The following CELA3B variants were observed in gnomAD, a reference collection of about 807,000 sequenced individuals.
CELA3B encodes chymotrypsin-like elastase family member 3B.
A neutral mutation model predicts 37.2 loss-of-function variants in CELA3B; 34 were observed. That is an observed-to-expected ratio of 0.91 (90% confidence interval 0.70 to 1.22). The LOEUF is 1.22. CELA3B is among the 50% of genes most tolerant of loss of function. The pLI, the probability that CELA3B is intolerant of heterozygous loss-of-function variation, is 0.00. For synonymous variants in CELA3B, 127 were observed against 143.5 expected, an observed-to-expected ratio of 0.89 and a Z score of 0.82; for missense variants, 340 against 363.1, an observed-to-expected ratio of 0.94 and a Z score of 0.52.
rs1027617079 is a variant in CELA3B at position 21,997,898 on chromosome 1, T to C, written c.505-253T>C. ...GATAATGTGATAGTCATGAAGTCTT[T>C]GTGTGAGAGAGAAAAGAAGGAAGTT... On this transcript the variant is annotated intron_variant, in intron 4 of 4. Coordinates refer to the CELA3B transcript ENST00000400277. Among the ~76,000 whole-genome samples, 24 of 151,340 alleles carry C rather than the reference T, an allele frequency of 1.6e-4. 1 individual carries two copies. The highest frequency in any genetic ancestry group is 1.6e-3 in the Admixed American group (24 of 15,170).
Position 21,983,792 on chromosome 1 carries a change from A to G in CELA3B, c.461A>G (p.Glu154Gly), listed in dbSNP as rs1217340709. The G allele has an allele frequency of 2.5e-6, 4 of 1,613,972 alleles. No individual in the cohort carries two copies. In the African/African-American group the frequency reaches 5.3e-5, roughly 22 times the overall value. Residue 154 changes from glutamate to glycine, a missense_variant, in exon 5 of 8, where the codon GAG (glutamate) becomes GGG (glycine). Coordinates refer to ENST00000337107, the MANE Select transcript of CELA3B (RefSeq NM_007352.4). ...LPPAGDILPN[E>G]TPCYITGWGR... ...CCGGCTGGTGACATCCTTCCCAACG[A>G]GACACCCTGCTACATCACCGGCTGG...
chr1:21,986,612 T>A lies in CELA3B; in HGVS notation c.724T>A (p.Phe242Ile). The change falls in exon 7 of 8, where the codon TTT becomes ATT. Residue 242 changes from phenylalanine (F) to isoleucine (I), a missense_variant. Transcript: ENST00000337107. ...VHGVTSFVSA[F>I]GCNTRRKPTV... ...TGGCGTGACCAGCTTTGTTTCTGCC[T>A]TTGGCTGCAACACCCGCAGGAAGCC... The A allele has an allele frequency of 6.2e-7, 1 of 1,614,096 alleles. No homozygotes were observed. Among genetic ancestry groups the A allele is most frequent in the Non-Finnish European group, 8.5e-7 (1 of 1,180,016 alleles).
Position 21,986,676 on chromosome 1 carries a change from T to C in CELA3B, c.788T>C (p.Ile263Thr), listed in dbSNP as rs1208050292. 7 of 1,612,718 alleles carry C rather than the reference T, an allele frequency of 4.3e-6. No homozygotes were observed. Among genetic ancestry groups the C allele is most frequent in the Non-Finnish European group, 5.1e-6 (6 of 1,179,664 alleles). The change falls in exon 7 of 8, where the codon ATT becomes ACT. Residue 263 changes from isoleucine to threonine, a missense_variant. Coordinates refer to ENST00000337107, the MANE Select transcript of CELA3B (RefSeq NM_007352.4). ...CGAGTCTCCGCCTTCATTGACTGGA[T>C]TGAGGAGGTGAGGAGGGCAGGGCGG... The part of the protein sequence containing the change: ...FTRVSAFIDW[I>T]EETIASH
chr1:21,984,314 A>T lies in CELA3B; in HGVS notation c.625A>T (p.Ile209Phe). 1 of 1,613,796 alleles carries T rather than the reference A, an allele frequency of 6.2e-7. No homozygotes were observed. The highest frequency in any genetic ancestry group is 8.5e-7 in the Non-Finnish European group (1 of 1,179,888). The change falls in exon 6 of 8, where the codon ATC (isoleucine) becomes TTC (phenylalanine). Residue 209 changes from isoleucine (I) to phenylalanine (F), a missense_variant. Coordinates refer to ENST00000337107, the MANE Select transcript of CELA3B (RefSeq NM_007352.4). ...KKTMVCAGGD[I>F]RSGCNGDSGG... is the part of the protein sequence containing the mutation. ...GACCATGGTGTGTGCTGGAGGGGAC[A>T]TCCGCTCCGGCTGCAATGTGAGTCA...
rs1644801334 is a variant in CELA3B at position 21,981,057 on chromosome 1, G to T, written c.247G>T (p.Val83Leu). ...HCISSSRTYQVVLGEYDRAVK... is the reference protein window; with the variant it reads ...HCISSSRTYQLVLGEYDRAVK... ...CCGCAGGAGCTCCCGGACCTACCAG[G>T]TGGTGTTGGGCGAGTACGACCGTGC... The change falls in exon 4 of 8, where the codon GTG becomes TTG. Residue 83 changes from valine (V) to leucine (L), a missense_variant. Val to Leu is a conservative substitution (Grantham distance 32). Transcript: ENST00000337107. 6.2e-7 allele frequency: 1 copy of T among 1,614,002 alleles called. No individual in the cohort carries two copies. Among genetic ancestry groups the T allele is most frequent in the African/African-American group, 1.3e-5 (1 of 74,926 alleles).
Position 21,977,043 on chromosome 1 carries a change from A to C in CELA3B, c.4A>C (p.Met2Leu), listed in dbSNP as rs770297372. 3 of 1,614,010 alleles carry C rather than the reference A, an allele frequency of 1.9e-6. No homozygotes were observed. In the South Asian group the frequency reaches 3.3e-5, roughly 18 times the overall value. Residue 2 changes from methionine (M) to leucine (L), a missense_variant, in exon 1 of 8, where the codon ATG (methionine) becomes CTG (leucine). Physicochemically the swap from Met to Leu is conservative, Grantham distance 15 (BLOSUM62 2). Coordinates refer to ENST00000337107, the MANE Select transcript of CELA3B (RefSeq NM_007352.4). ...TTTTCCTATCATCGCAAAACTCATGATGCTCCGGCTGCTCAGTTCCCTCCT... is the reference window on the plus strand; with the variant it reads ...TTTTCCTATCATCGCAAAACTCATGCTGCTCCGGCTGCTCAGTTCCCTCCT... M[M>L]LRLLSSLLLV... is the part of the protein sequence containing the mutation.
intron 7 of CELA3B, among the ~76,000 whole-genome samples, chr1:21,988,978 TAC>T (rs201337656): frequency 8.7e-3 from 1,325 of 151,598 alleles, no homozygotes; most frequent in African/African-American, 0.031. Context: ...CGTATATATA[TAC>T]ACACACACAC....
rs1199742091 is a variant in CELA3B, at chr1:21,981,063, T to C, written c.253T>C (p.Leu85=). The C allele has an allele frequency of 1.2e-6, 2 of 1,614,086 alleles. No individual in the cohort carries two copies. The highest frequency in any genetic ancestry group is 8.5e-7 in the Non-Finnish European group (1 of 1,180,024). The part of the protein sequence containing the change: ...ISSSRTYQVV[L]GEYDRAVKEG... ...GAGCTCCCGGACCTACCAGGTGGTG[T>C]TGGGCGAGTACGACCGTGCTGTGAA... The change falls in exon 4 of 8, where the codon TTG becomes CTG. Residue 85 remains leucine (L), a synonymous_variant. Transcript: ENST00000337107.
chr1:21,988,510 G>C (rs1569850564), intron 7 of CELA3B, among the ~76,000 whole-genome samples: 3 of 149,072 alleles, frequency 2.0e-5, no homozygotes, highest in Middle Eastern at 7.2e-3. Context: ...AGAATTGCTT[G>C]AACTCGGGAG....
intron 6 of CELA3B, among the ~76,000 whole-genome samples, chr1:21,986,225 T>C (rs12121128): frequency 0.89 from 134,965 of 151,142 alleles, 60,682 homozygotes; most frequent in Middle Eastern, 0.96. Flanking sequence ...AAAAATTAGC[T>C]GGGTGTGGTG....
At chr1:21,985,071 G>A (rs901514362) in intron 6 of CELA3B, among the ~76,000 whole-genome samples, 1 of 151,866 alleles carries the variant, frequency 6.6e-6, no homozygotes, top group Non-Finnish European at 1.5e-5. Flanking sequence ...CTTGAGGCTA[G>A]GAGTTTGAGA....
chr1:21,991,906 G>A (rs564834622), downstream of CELA3B, among the ~76,000 whole-genome samples: 30 of 151,100 alleles, frequency 2.0e-4, 1 homozygote, highest in African/African-American at 6.4e-4. Context: ...GATCACTTGA[G>A]GTCAGGACTT....
chr1:21,988,198 C>T (rs540462039), intron 7 of CELA3B, among the ~76,000 whole-genome samples: 1 of 150,836 alleles, frequency 6.6e-6, no homozygotes, highest in East Asian at 1.9e-4. Context: ...GGTGACAGAG[C>T]AAGACTCCAT....
intron 6 of CELA3B, among the ~76,000 whole-genome samples, 187 bp downstream of exon 6, chr1:21,984,518 G>A (rs12122445): frequency 0.88 from 133,622 of 151,558 alleles, 59,524 homozygotes; most frequent in Middle Eastern, 0.95. Context: ...GGACCCCCGG[G>A]TTGCAGTCTC....
exon 5 of CELA3B, chr1:21,998,407 G>C (rs1358827257): frequency 3.1e-6 from 1 of 326,994 alleles, no homozygotes; most frequent in Non-Finnish European, 6.4e-6. Flanking sequence ...CTCCGTTCTA[G>C]TGGGTCCATT....
At position 21,977,072 on chromosome 1, in the gene CELA3B, T is replaced by C. The variant is rs1442662333; in HGVS notation, c.33T>C (p.Leu11=). 5 of 1,614,074 alleles carry C rather than the reference T, an allele frequency of 3.1e-6. No individual in the cohort carries two copies. The highest frequency in any genetic ancestry group is 3.4e-6 in the Non-Finnish European group (4 of 1,180,048). MMLRLLSSLL[L]VAVASGYGPP... ...TCCGGCTGCTCAGTTCCCTCCTCCTTGTGGCCGTTGGTAAGACCCCAACCT... is the reference window on the plus strand; with the variant it reads ...TCCGGCTGCTCAGTTCCCTCCTCCTCGTGGCCGTTGGTAAGACCCCAACCT... The change falls in exon 1 of 8, where the codon CTT becomes CTC. Residue 11 remains leucine, a synonymous_variant. Transcript: ENST00000337107.
chr1:21,985,143 C>T (rs1569845285), intron 6 of CELA3B, among the ~76,000 whole-genome samples: 1 of 152,152 alleles, frequency 6.6e-6, no homozygotes, highest in Non-Finnish European at 1.5e-5. Context: ...ATTAGCCAGG[C>T]ATGGTGGCAC....
chr1:21,986,083 GA>G (rs1457577841), intron 6 of CELA3B, among the ~76,000 whole-genome samples: 13 of 140,210 alleles, frequency 9.3e-5, no homozygotes, highest in African/African-American at 3.5e-4. Flanking sequence ...TATCACAAAT[GA>G]GTCAGCTGGC....
At position 21,997,350 on chromosome 1, in the gene CELA3B, C is replaced by CAA. The variant is rs34966019; in HGVS notation, c.505-788_505-787dup. Among the ~76,000 whole-genome samples the CAA allele has an allele frequency of 3.6e-3, 419 of 117,060 alleles. 2 individuals are homozygous for CAA. The highest frequency in any genetic ancestry group is 8.3e-3 in the African/African-American group (259 of 31,354). The allele number at this position is 117,060 out of a possible 152,430, so 76.8% of individuals were successfully genotyped here. ...CACTCCAGTCTGGCACGACTCATCT[C>CAA]AAAAAAAAAAAAAAGAGCAAGACAA... On this transcript the variant is annotated intron_variant, in intron 4 of 4. Coordinates refer to the CELA3B transcript ENST00000400277.
Sources: gnomAD v4.1 joint callset for allele counts (sites outside exome capture counted in the v4.1 genomes callset) on GRCh38, gnomAD v4.1.1 for gene constraint, MANE v1.5 for transcripts, NCBI Gene and HGNC (gene_info 2026-07-23, HGNC 2026-07-21) for gene names.